FARP2: variants seen among roughly 807,000 people sequenced by gnomAD.
The protein encoded by FARP2 is FERM, ARH/RhoGEF and pleckstrin domain protein 2.
Under a neutral mutation model 130.5 loss-of-function variants are expected in FARP2, and 111 were observed. The ratio of observed to expected loss-of-function variants is 0.85; its 90% CI spans 0.73 to 1.00. The LOEUF is 1.00. Ranked by LOEUF, FARP2 falls within the 50% of genes least tolerant of loss-of-function variation. The pLI, the probability that FARP2 is intolerant of heterozygous loss-of-function variation, is 0.00. For synonymous variants in FARP2, 504 were observed against 516.9 expected (o/e 0.98, Z 0.34); for missense variants, 1,385 against 1,346.3 (o/e 1.03, Z -0.45).
intron 13 of FARP2, among the ~76,000 whole-genome samples, chr2:241,454,431 A>T (rs999827323): frequency 6.6e-6 from 1 of 152,172 alleles, no homozygotes; most frequent in Non-Finnish European, 1.5e-5. Context: ...GTAAATAGAC[A>T]CTAGTAGCTT....
intron 12 of FARP2, among the ~76,000 whole-genome samples, chr2:241,439,659 C>G (rs1161812450): frequency 1.3e-5 from 2 of 152,114 alleles, no homozygotes; most frequent in Non-Finnish European, 2.9e-5. Context: ...AAATAAGAAT[C>G]ATCTAAAAGT....
At chr2:241,380,944 C>T (rs1390818475) in intron 2 of FARP2, among the ~76,000 whole-genome samples, 1 of 152,062 alleles carries the variant, frequency 6.6e-6, no homozygotes, top group Admixed American at 6.5e-5. Context: ...TGTGCCCATC[C>T]CCACTCTGTA....
Position 241,491,179 on chromosome 2 carries a change from A to G in FARP2, c.2623A>G (p.Arg875Gly), listed in dbSNP as rs779650304. The G allele has an allele frequency of 2.5e-6, 4 of 1,604,220 alleles. No individual in the cohort carries two copies. The highest frequency in any genetic ancestry group is 3.4e-6 in the Non-Finnish European group (4 of 1,171,750). The change falls in exon 23 of 27, where the codon AGA (arginine) becomes GGA (glycine). Residue 875 changes from arginine (R) to glycine (G), a missense_variant and splice_region_variant. By Grantham distance (125) the Arg-to-Gly change is moderately radical (BLOSUM62 -2). Coordinates refer to ENST00000264042, the MANE Select transcript of FARP2 (RefSeq NM_014808.4). ...PGRTVCTRPP[R>G]SPNEVSLEQE... is the part of the protein sequence containing the mutation. ...CCGCACTGTGTGCACTCGTCCCCCC[A>G]GTGAGTGCTGGCCACAACCCCCCAG...
At chr2:241,424,108 T>TG (rs1270749852) in intron 8 of FARP2, among the ~76,000 whole-genome samples, 1 of 152,154 alleles carries the variant, frequency 6.6e-6, no homozygotes, top group Non-Finnish European at 1.5e-5. Flanking sequence ...CTGGATAAAG[T>TG]GACCTTATAG....
intron 13 of FARP2, among the ~76,000 whole-genome samples, chr2:241,452,795 G>T (rs1419554098): frequency 6.6e-6 from 1 of 151,658 alleles, no homozygotes; most frequent in Non-Finnish European, 1.5e-5. Context: ...ACAAAAATTA[G>T]CTGGGCATGG....
At chr2:241,388,466 G>A (rs1476742722) in intron 2 of FARP2, among the ~76,000 whole-genome samples, 1 of 152,120 alleles carries the variant, frequency 6.6e-6, no homozygotes, top group Non-Finnish European at 1.5e-5. Context: ...AGTTGAGACT[G>A]TAAAACTCTT....
intron 12 of FARP2, among the ~76,000 whole-genome samples, chr2:241,437,928 G>A (rs1279699992): frequency 6.6e-6 from 1 of 152,012 alleles, no homozygotes; most frequent in Non-Finnish European, 1.5e-5. Context: ...GCCTCCCAAA[G>A]TGCTGGGAAT....
intron 1 of FARP2, among the ~76,000 whole-genome samples, chr2:241,361,140 C>T (rs2061176999): frequency 1.3e-5 from 2 of 152,090 alleles, no homozygotes; most frequent in Admixed American, 6.5e-5. Context: ...TGGTAAATTC[C>T]CCACAAACAA....
intron 12 of FARP2, among the ~76,000 whole-genome samples, chr2:241,439,108 C>T (rs988294788): frequency 6.6e-6 from 1 of 151,974 alleles, no homozygotes; most frequent in African/African-American, 2.4e-5. Context: ...CTCAACCTCC[C>T]AGGCTCCGGT....
intron 14 of FARP2, among the ~76,000 whole-genome samples, chr2:241,461,102 TTG>T (rs1218908759): frequency 1.3e-5 from 2 of 152,174 alleles, no homozygotes; most frequent in Non-Finnish European, 2.9e-5. Flanking sequence ...CCTCAGCTAC[TTG>T]CTCACTTGCA....
At chr2:241,378,256 C>T (rs1018634826) in intron 2 of FARP2, among the ~76,000 whole-genome samples, 2 of 149,780 alleles carry the variant, frequency 1.3e-5, no homozygotes. Flanking sequence ...CGCCCACCAC[C>T]ATGCCCGGCT....
At position 241,443,720 on chromosome 2, in the gene FARP2, C is replaced by G. The variant is rs374929204; in HGVS notation, c.1411+2164C>G. ...CCACAAGTGCCGGTCTCAGGCCAGC[C>G]CTAGATGACACTGTTCAATTTGTCA... On this transcript the variant is annotated intron_variant, in intron 13 of 26. Coordinates refer to ENST00000264042, the MANE Select transcript of FARP2 (RefSeq NM_014808.4). 10 of 152,418 alleles carry G rather than the reference C, an allele frequency of 6.6e-5. No homozygotes were observed. The East Asian group carries it at 1.9e-3, about 29-fold the overall frequency. 9.4% of individuals were successfully genotyped at this position (152,418 alleles called of 1,614,324 possible).
chr2:241,423,219 C>T (rs1396667228), intron 8 of FARP2, among the ~76,000 whole-genome samples: 1 of 152,072 alleles, frequency 6.6e-6, no homozygotes, highest in African/African-American at 2.4e-5. Context: ...GAGAGAAAGG[C>T]CAGGTCATCT....
intron 18 of FARP2, 103 bp downstream of exon 18, chr2:241,468,480 G>C: frequency 3.6e-6 from 3 of 823,774 alleles, no homozygotes; most frequent in Non-Finnish European, 5.9e-6. Flanking sequence ...GGAAGCGCAG[G>C]AGTCCACCCC....
chr2:241,426,310 G>T lies in FARP2; in HGVS notation c.772-5369G>T, dbSNP rs796280278. Reference sequence around the variant, plus strand: ...GAAGCAAATGAAACGAGGCAATTAGGATTCTCAAGGAAATTTTGAAGAAGG... The same window carrying T: ...GAAGCAAATGAAACGAGGCAATTAGTATTCTCAAGGAAATTTTGAAGAAGG... On this transcript the variant is annotated intron_variant, in intron 8 of 26. Transcript: ENST00000264042. Among the ~76,000 whole-genome samples the T allele has an allele frequency of 8.5e-5, 13 of 152,288 alleles. 1 individual carries two copies. Among genetic ancestry groups the T allele is most frequent in the African/African-American group, 2.9e-4 (12 of 41,560 alleles).
chr2:241,414,213 C>G (rs1423575907), intron 7 of FARP2, among the ~76,000 whole-genome samples: 1 of 152,154 alleles, frequency 6.6e-6, no homozygotes, highest in African/African-American at 2.4e-5. Context: ...AGACTTGACA[C>G]TGGTGGGTTT....
chr2:241,485,731 T>TG (rs1337369427), intron 21 of FARP2, among the ~76,000 whole-genome samples: 5 of 149,908 alleles, frequency 3.3e-5, no homozygotes, highest in African/African-American at 7.4e-5. Context: ...CTTCCCTTCC[T>TG]GGGGTCCTCC....
At chr2:241,433,139 A>T (rs1245185525) in intron 9 of FARP2, among the ~76,000 whole-genome samples, 2 of 152,110 alleles carry the variant, frequency 1.3e-5, no homozygotes, top group Admixed American at 1.3e-4. Context: ...TAAAAAAAAA[A>T]AAAGTTTCCT....
rs1332206170 is a variant in FARP2, at chr2:241,410,971, T to A, written c.411-62T>A. 2.6e-5 allele frequency: 30 copies of A among 1,148,924 alleles called. 1 individual carries two copies. Among genetic ancestry groups the A allele is most frequent in the Non-Finnish European group, 1.3e-6 (1 of 780,936 alleles). The allele number at this position is 1,148,924 out of a possible 1,614,324, so 71.2% of individuals were successfully genotyped here. ...TTTGCTGTCTTGCTGTGGAGACATG[T>A]CTATGTTACATTCAGAGAACATTTG... On this transcript the variant is annotated intron_variant, in intron 5 of 26. Coordinates refer to ENST00000264042, the MANE Select transcript of FARP2 (RefSeq NM_014808.4).
Sources: allele counts gnomAD v4.1 joint callset (sites outside exome capture counted in the v4.1 genomes callset), GRCh38; gene constraint gnomAD v4.1.1; transcripts MANE v1.5; gene names NCBI Gene and HGNC (gene_info 2026-07-23, HGNC 2026-07-21).